MTA3: variants seen among roughly 807,000 people sequenced by gnomAD.
MTA3 encodes the protein metastasis-associated protein MTA3.
A neutral mutation model predicts 83.5 loss-of-function variants in MTA3; 34 were observed. The observed-to-expected ratio is 0.41, with a 90% CI of 0.31 to 0.54. The LOEUF (loss-of-function observed/expected upper bound fraction) is 0.54. Ranked by LOEUF, MTA3 falls within the 20% of genes least tolerant of loss-of-function variation. The pLI is 0.33. For synonymous variants in MTA3, 303 were observed against 252.7 expected (o/e 1.20, Z -1.89); for missense variants, 761 against 726.4 (o/e 1.05, Z -0.55).
rs201807487 is a variant in MTA3, at chr2:42,499,774, GGA to G, written c.-141+4521_-141+4522del. Among the ~76,000 whole-genome samples, 504 of 75,916 alleles carry G rather than the reference GGA, an allele frequency of 6.6e-3. 4 individuals carry two copies. The highest frequency in any genetic ancestry group is 0.019 in the African/African-American group (297 of 15,574). The allele number at this position is 75,916 out of a possible 152,430, so 49.8% of individuals were successfully genotyped here. On this transcript the variant is annotated intron_variant, in intron 2 of 17. Coordinates refer to the MTA3 transcript ENST00000405592. ...ATGCACTACAGCCTAGGCAACAGAG[GGA>G]AAAAAAAAAAGGAATAATAAAAAGA... is the stretch of plus-strand genomic sequence containing the variant.
chr2:42,504,270 C>G (rs113210289), intron 2 of MTA3, among the ~76,000 whole-genome samples: 1 of 151,372 alleles, frequency 6.6e-6, no homozygotes, highest in South Asian at 2.1e-4. Context: ...CAAAAGACTT[C>G]GCTCTGTCAT....
chr2:42,612,850 A>T (rs753501466), intron 4 of MTA3, among the ~76,000 whole-genome samples: 1 of 152,044 alleles, frequency 6.6e-6, no homozygotes, highest in Non-Finnish European at 1.5e-5. Flanking sequence ...AACAAGAGAG[A>T]CTCTTGTCTC....
At chr2:42,699,099 A>G (rs1693633697) in intron 11 of MTA3, among the ~76,000 whole-genome samples, 1 of 152,216 alleles carries the variant, frequency 6.6e-6, no homozygotes, top group African/African-American at 2.4e-5. Context: ...ATTTGGCTTT[A>G]CGCTGACTTT....
intron 8 of MTA3, among the ~76,000 whole-genome samples, chr2:42,660,815 GA>G (rs1210576084): frequency 6.6e-6 from 1 of 152,058 alleles, no homozygotes; most frequent in Non-Finnish European, 1.5e-5. Context: ...TATTTATTTT[GA>G]TAATGTAAGA....
intron 16 of MTA3, among the ~76,000 whole-genome samples, chr2:42,744,850 G>T (rs1426444108): frequency 6.6e-6 from 1 of 152,188 alleles, no homozygotes; most frequent in East Asian, 1.9e-4. Context: ...GAAACCAATT[G>T]ATTTAGGCAT....
upstream of MTA3, among the ~76,000 whole-genome samples, chr2:42,563,664 C>T (rs553994907): frequency 3.3e-5 from 5 of 151,864 alleles, no homozygotes; most frequent in African/African-American, 9.7e-5. Flanking sequence ...TATGGGATTT[C>T]GCCATGTTAG....
chr2:42,539,446 A>C (rs946159693), intron 2 of MTA3, among the ~76,000 whole-genome samples: 4 of 152,062 alleles, frequency 2.6e-5, no homozygotes, highest in Non-Finnish European at 5.9e-5. Flanking sequence ...CGAGAATAGC[A>C]TGGGGGAAAC....
intron 13 of MTA3, among the ~76,000 whole-genome samples, chr2:42,708,411 C>G (rs143871517): frequency 6.6e-6 from 1 of 152,252 alleles, no homozygotes; most frequent in East Asian, 1.9e-4. Context: ...AGCATTTTTT[C>G]TCCCCGTGGC....
At chr2:42,548,827 ATAAT>A (rs1274066990) in intron 2 of MTA3, among the ~76,000 whole-genome samples, 4 of 20,022 alleles carry the variant, frequency 2.0e-4, no homozygotes, top group African/African-American at 5.4e-4. Context: ...ATATATATAT[ATAAT>A]ATATATATAT....
intron 2 of MTA3, among the ~76,000 whole-genome samples, chr2:42,554,318 A>C (rs1287179478): frequency 1.3e-5 from 2 of 152,228 alleles, no homozygotes; most frequent in Non-Finnish European, 2.9e-5. Flanking sequence ...TGAGTCCCAG[A>C]ACTCCGTTTC....
At chr2:42,682,358 T>G (rs1692010717) in intron 8 of MTA3, 43 bp from the exon 9 acceptor site, 1 of 1,430,296 alleles carries the variant, frequency 7.0e-7, no homozygotes, top group Non-Finnish European at 9.5e-7. Context: ...TGTAGCATGT[T>G]TGCATTTCTG....
intron 9 of MTA3, among the ~76,000 whole-genome samples, chr2:42,687,512 A>G (rs1023309652): frequency 4.6e-5 from 7 of 152,326 alleles, no homozygotes; most frequent in Admixed American, 1.3e-4. Flanking sequence ...TAAAGTTGCT[A>G]TAAACATTTT....
At chr2:42,603,915 T>G (rs1192049880) in intron 3 of MTA3, among the ~76,000 whole-genome samples, 2 of 152,154 alleles carry the variant, frequency 1.3e-5, no homozygotes, top group Non-Finnish European at 2.9e-5. Flanking sequence ...CTCACCTGGC[T>G]AATTTTTCTA....
intron 2 of MTA3, among the ~76,000 whole-genome samples, chr2:42,561,686 G>T (rs1199197799): frequency 1.1e-5 from 1 of 88,480 alleles, no homozygotes; most frequent in East Asian, 2.5e-4. Flanking sequence ...ACAAACCAAG[G>T]TGAGTTAAAC....
intron 2 of MTA3, among the ~76,000 whole-genome samples, chr2:42,562,689 C>A (rs530186667): frequency 4.0e-4 from 61 of 152,318 alleles, no homozygotes; most frequent in South Asian, 1.7e-3. Flanking sequence ...ACTCAGGGAA[C>A]CTGCTTCTTT....
intron 2 of MTA3, among the ~76,000 whole-genome samples, chr2:42,560,585 CAAACA>C (rs1375618676): frequency 1.3e-5 from 2 of 149,602 alleles, no homozygotes; most frequent in Admixed American, 1.3e-4. Flanking sequence ...AAACAAAAAA[CAAACA>C]AAACACACAC....
At chr2:42,524,936 A>G (rs1276637658) in intron 2 of MTA3, among the ~76,000 whole-genome samples, 1 of 149,950 alleles carries the variant, frequency 6.7e-6, no homozygotes, top group East Asian at 1.9e-4. Flanking sequence ...GAATTACCGA[A>G]GGTGAAGCGC....
chr2:42,702,207 G>C (rs554372475), intron 11 of MTA3: 20 of 152,374 alleles, frequency 1.3e-4, no homozygotes, highest in African/African-American at 4.8e-4. Context: ...GCGAGACTTT[G>C]TCTCAAAAAG....
intron 9 of MTA3, among the ~76,000 whole-genome samples, chr2:42,693,421 C>A (rs974865028): frequency 6.6e-6 from 1 of 152,198 alleles, no homozygotes; most frequent in Non-Finnish European, 1.5e-5. Context: ...ATGTTCTATT[C>A]TGCTGTGACT....
Sources: gnomAD v4.1 joint callset for allele counts (sites outside exome capture counted in the v4.1 genomes callset) on GRCh38, gnomAD v4.1.1 for gene constraint, MANE v1.5 for transcripts, NCBI Gene and HGNC (gene_info 2026-07-23, HGNC 2026-07-21) for gene names.